The following ZNF248 variants were observed in gnomAD, a reference collection of about 807,000 sequenced individuals.
The protein encoded by ZNF248 is KRAB protein domain.
ZNF248 carries 20 observed loss-of-function variants against 44.3 expected under a neutral mutation model. The observed-to-expected ratio is 0.45, with a 90% CI of 0.32 to 0.66. ZNF248 has a LOEUF of 0.66. ZNF248 is among the 30% of genes least tolerant of loss of function. The pLI is 0.04. For synonymous variants in ZNF248, 224 were observed against 229.0 expected (o/e 0.98, Z 0.20); for missense variants, 654 against 677.0 (o/e 0.97, Z 0.38).
intron 6 of ZNF248, among the ~76,000 whole-genome samples, chr10:37,808,234 CT>C (rs997117432): frequency 3.6e-4 from 54 of 150,026 alleles, no homozygotes; most frequent in African/African-American, 1.2e-3. Context: ...GATATATAAT[CT>C]TTTTTTCTTA....
chr10:37,811,754 G>A (rs951101991), intron 6 of ZNF248, among the ~76,000 whole-genome samples: 4 of 151,942 alleles, frequency 2.6e-5, no homozygotes, highest in African/African-American at 9.7e-5. Context: ...GCTGAGGTGG[G>A]AGGATTGTTT....
chr10:37,813,019 C>CAA (rs1269928346), intron 6 of ZNF248, among the ~76,000 whole-genome samples: 4 of 117,086 alleles, frequency 3.4e-5, no homozygotes, highest in Non-Finnish European at 5.3e-5. Flanking sequence ...GTGGATATGG[C>CAA]AAAAAGAAAA....
intron 6 of ZNF248, among the ~76,000 whole-genome samples, chr10:37,779,575 A>G (rs2132853345): frequency 6.6e-6 from 1 of 151,436 alleles, no homozygotes; most frequent in East Asian, 2.0e-4. Context: ...ATGGGCAAAA[A>G]CTGGAAGCAT....
chr10:37,843,406 A>G (rs546428980), intron 3 of ZNF248, among the ~76,000 whole-genome samples: 214 of 151,184 alleles, frequency 1.4e-3, no homozygotes, highest in Non-Finnish European at 2.6e-3. Context: ...GCCTGGCGAC[A>G]GAGCAAGACT....
chr10:37,771,865 C>G (rs114042520), downstream of ZNF248, among the ~76,000 whole-genome samples: 2,269 of 152,176 alleles, frequency 0.015, 56 homozygotes, highest in African/African-American at 0.051. Flanking sequence ...AGTGGCTGAC[C>G]ACTCACATCT....
chr10:37,770,866 T>C, the ZNF248 span, among the ~76,000 whole-genome samples: 1 of 151,986 alleles, frequency 6.6e-6, no homozygotes, highest in Non-Finnish European at 1.5e-5. Flanking sequence ...TTTTTCAACC[T>C]ACTCATCTGA....
At chr10:37,799,572 T>G (rs1346029025) in intron 6 of ZNF248, among the ~76,000 whole-genome samples, 5 of 152,006 alleles carry the variant, frequency 3.3e-5, no homozygotes, top group African/African-American at 1.2e-4. Context: ...AAAAGAAAAA[T>G]TCCAGTGTTT....
the ZNF248 span, among the ~76,000 whole-genome samples, chr10:37,763,609 T>C: frequency 1.3e-5 from 2 of 152,176 alleles, no homozygotes; most frequent in Non-Finnish European, 2.9e-5. Flanking sequence ...TAAGTCATAA[T>C]GGTTATTAAA....
chr10:37,760,728 G>A, the ZNF248 span, among the ~76,000 whole-genome samples: 4 of 152,082 alleles, frequency 2.6e-5, no homozygotes, highest in African/African-American at 9.7e-5. Context: ...CAGCTACTCA[G>A]GGGGCCGAGG....
chr10:37,855,434 TTTA>T (rs2061109993), intron 3 of ZNF248, among the ~76,000 whole-genome samples: 1 of 144,974 alleles, frequency 6.9e-6, no homozygotes, highest in Admixed American at 7.1e-5. Context: ...TCAAAAGCAC[TTTA>T]TTAAGGAAAA....
intron 6 of ZNF248, among the ~76,000 whole-genome samples, chr10:37,810,988 G>C (rs1403901248): frequency 1.3e-5 from 2 of 152,172 alleles, no homozygotes; most frequent in Non-Finnish European, 2.9e-5. Context: ...GCATATGACA[G>C]TAAAAGTAAC....
At chr10:37,798,807 T>C (rs181676400) in intron 6 of ZNF248, among the ~76,000 whole-genome samples, 1 of 152,314 alleles carries the variant, frequency 6.6e-6, no homozygotes, top group Admixed American at 6.5e-5. Flanking sequence ...AGGGTGGTGA[T>C]GGAACAGGTA....
chr10:37,786,447 A>G (rs2047879338), intron 6 of ZNF248, among the ~76,000 whole-genome samples: 2 of 152,156 alleles, frequency 1.3e-5, no homozygotes, highest in Admixed American at 6.5e-5. Flanking sequence ...ATCAGCTCCA[A>G]TAGCCTACTA....
chr10:37,772,303 T>A (rs1429973366), downstream of ZNF248, among the ~76,000 whole-genome samples: 1 of 151,902 alleles, frequency 6.6e-6, no homozygotes, highest in Non-Finnish European at 1.5e-5. Flanking sequence ...GGTTTCTGCA[T>A]TTACAGCCAT....
intron 3 of ZNF248, among the ~76,000 whole-genome samples, chr10:37,848,188 G>A (rs980062230): frequency 2.6e-5 from 4 of 152,032 alleles, no homozygotes; most frequent in East Asian, 1.9e-4. Flanking sequence ...CAGGTGAATC[G>A]CTTGAACCCA....
intron 6 of ZNF248, among the ~76,000 whole-genome samples, chr10:37,814,066 C>T (rs1388324159): frequency 6.6e-6 from 1 of 152,094 alleles, no homozygotes; most frequent in Admixed American, 6.5e-5. Flanking sequence ...CTTTTGTTTT[C>T]TATGTCTTAC....
At position 37,857,542 on chromosome 10, in the gene ZNF248, T is replaced by A. The variant is rs1308035734; in HGVS notation, c.-483A>T. On this transcript the variant is annotated 5_prime_UTR_variant, in exon 1 of 6. Coordinates refer to ENST00000395867, the MANE Select transcript of ZNF248 (RefSeq NM_021045.3). ...GTAATTTACAGAGAGGAAAACCGAG[T>A]CTCCCGTGGATAATTGTGTCTAATT... 6.6e-6 allele frequency: 1 copy of A among 152,018 alleles called. No individual in the cohort carries two copies. The highest frequency in any genetic ancestry group is 1.5e-5 in the Non-Finnish European group (1 of 68,040). 9.4% of individuals were successfully genotyped at this position (152,018 alleles called of 1,614,324 possible).
intron 6 of ZNF248, among the ~76,000 whole-genome samples, chr10:37,805,609 T>C (rs1183952665): frequency 6.6e-6 from 1 of 152,218 alleles, no homozygotes; most frequent in Non-Finnish European, 1.5e-5. Context: ...TACAAATCGC[T>C]GTTCGCTCAA....
At chr10:37,766,922 T>C in the ZNF248 span, among the ~76,000 whole-genome samples, 2 of 151,704 alleles carry the variant, frequency 1.3e-5, no homozygotes, top group Non-Finnish European at 2.9e-5. Flanking sequence ...CACAGAGAAG[T>C]CCTTAAAGGA....
Sources: gnomAD v4.1 joint callset for allele counts (sites outside exome capture counted in the v4.1 genomes callset) on GRCh38, gnomAD v4.1.1 for gene constraint, MANE v1.5 for transcripts, NCBI Gene and HGNC (gene_info 2026-07-23, HGNC 2026-07-21) for gene names.